ATXN7: variants seen among roughly 807,000 people sequenced by gnomAD.
ATXN7 encodes ataxin-7.
ATXN7 carries 12 observed loss-of-function variants against 70.5 expected under a neutral mutation model. The observed-to-expected ratio is 0.17, with a 90% confidence interval of 0.11 to 0.28. The LOEUF is 0.28. Among genes scored for constraint, ATXN7 ranks in the 10% least tolerant of loss-of-function variants. The pLI, the probability that ATXN7 is intolerant of heterozygous loss-of-function variation, is 1.00. For synonymous variants in ATXN7, 498 were observed against 448.7 expected (o/e 1.11, Z -1.39); for missense variants, 1,256 against 1,131.7 (o/e 1.11, Z -1.58).
intron 5 of ATXN7, among the ~76,000 whole-genome samples, chr3:63,974,681 C>A (rs1162595512): frequency 1.3e-5 from 2 of 152,202 alleles, no homozygotes; most frequent in Admixed American, 1.3e-4. Flanking sequence ...AATCCCGTAG[C>A]ATGGTGCCTG....
chr3:63,988,196 C>T lies in ATXN7; in HGVS notation c.1233C>T (p.Leu411=). Residue 411 remains leucine (L), a synonymous_variant, in exon 9 of 13, where the codon CTC becomes CTT. Coordinates refer to ENST00000674280, the MANE Select transcript of ATXN7 (RefSeq NM_001377405.1). ...HPDSQQPPQP[L]RDPHPAPPRT... Reference sequence around the variant, plus strand: ...ACTCTCAGCAACCACCGCAGCCTCTCAGGGACCCGCATCCCGCCCCTCCTA... The same window carrying T: ...ACTCTCAGCAACCACCGCAGCCTCTTAGGGACCCGCATCCCGCCCCTCCTA... 1 of 1,614,070 alleles carries T rather than the reference C, an allele frequency of 6.2e-7. No homozygotes were observed.
At chr3:63,945,492 C>T (rs2074844762) in intron 4 of ATXN7, among the ~76,000 whole-genome samples, 1 of 152,204 alleles carries the variant, frequency 6.6e-6, no homozygotes, top group African/African-American at 2.4e-5. Context: ...ATGGCATACC[C>T]AATTCCAGCA....
chr3:63,961,743 T>TATTATTTA (rs1467608558), intron 5 of ATXN7, among the ~76,000 whole-genome samples: 2 of 151,954 alleles, frequency 1.3e-5, no homozygotes, highest in Non-Finnish European at 2.9e-5. Context: ...AGTAAGAAAT[T>TATTATTTA]ATTATTTAAT....
chr3:63,968,098 GT>G, intron 5 of ATXN7: 2 of 767,288 alleles, frequency 2.6e-6, no homozygotes, highest in Non-Finnish European at 4.2e-6. Context: ...TTTGGGAAGA[GT>G]TTATGCAGGC....
chr3:63,896,183 T>A (rs1007624438), intron 1 of ATXN7, among the ~76,000 whole-genome samples: 1 of 152,110 alleles, frequency 6.6e-6, no homozygotes, highest in Non-Finnish European at 1.5e-5. Context: ...AGATATCTTC[T>A]ATAATCTCCC....
At chr3:63,974,869 A>G (rs935664474) in intron 5 of ATXN7, among the ~76,000 whole-genome samples, 7 of 152,208 alleles carry the variant, frequency 4.6e-5, no homozygotes, top group Admixed American at 2.6e-4. Context: ...GTGAGTTACC[A>G]TGAGATGGTG....
At chr3:63,931,742 TACTTTAGGAAA>T (rs1678754811) in intron 4 of ATXN7, among the ~76,000 whole-genome samples, 1 of 152,220 alleles carries the variant, frequency 6.6e-6, no homozygotes, top group Non-Finnish European at 1.5e-5. Flanking sequence ...CTGAAACTTT[TACTTTAGGAAA>T]AGAGTTTACA....
At chr3:63,975,093 T>G (rs533776295) in intron 5 of ATXN7, among the ~76,000 whole-genome samples, 2 of 152,284 alleles carry the variant, frequency 1.3e-5, no homozygotes, top group East Asian at 3.9e-4. Context: ...AAATGCAAAA[T>G]TTCAACATGT....
At chr3:63,898,124 A>G (rs983672957) in intron 1 of ATXN7, among the ~76,000 whole-genome samples, 2 of 152,204 alleles carry the variant, frequency 1.3e-5, no homozygotes, top group African/African-American at 4.8e-5. Context: ...TGCAAATTAT[A>G]TACAATGATT....
chr3:63,929,265 CTCTCT>C (rs1284836231), intron 4 of ATXN7, among the ~76,000 whole-genome samples: 6 of 149,670 alleles, frequency 4.0e-5, no homozygotes, highest in Admixed American at 1.3e-4. Flanking sequence ...CTCTCTCTCT[CTCTCT>C]TTTTTTTTTT....
At chr3:63,865,866 G>A (rs1400226104) in intron 1 of ATXN7, among the ~76,000 whole-genome samples, 14 of 116,380 alleles carry the variant, frequency 1.2e-4, no homozygotes, top group African/African-American at 4.7e-4. Context: ...CTGCACTCCA[G>A]CCTGGGCGAC....
intron 1 of ATXN7, among the ~76,000 whole-genome samples, chr3:63,868,303 C>T (rs1262012211): frequency 6.6e-6 from 1 of 152,160 alleles, no homozygotes; most frequent in African/African-American, 2.4e-5. Flanking sequence ...TTCACTGTAG[C>T]TACTTACCCT....
chr3:63,863,532 G>C, upstream of ATXN7: 1 of 1,193,636 alleles, frequency 8.4e-7, no homozygotes, highest in East Asian at 3.5e-5. Context: ...CTCCGGGAGA[G>C]CGGACGGGGA....
chr3:63,912,333 G>GGGCCGCCTGCTGCCC (rs1704055819), intron 2 of ATXN7, among the ~76,000 whole-genome samples: 3 of 151,670 alleles, frequency 2.0e-5, no homozygotes, highest in Non-Finnish European at 2.9e-5. Flanking sequence ...CCGCGGTGGC[G>GGGCCGCCTGCTGCCC]GGCCGCCTGC....
At chr3:63,962,862 A>G (rs561527650) in intron 5 of ATXN7, among the ~76,000 whole-genome samples, 5 of 151,868 alleles carry the variant, frequency 3.3e-5, no homozygotes, top group African/African-American at 7.2e-5. Flanking sequence ...GAGAGTGACA[A>G]TAATCAAGAT....
At position 63,999,605 on chromosome 3, in the gene ATXN7, C is replaced by CGGGCTG. The variant is rs1357659798; in HGVS notation, c.*139_*144dup. On this transcript the variant is annotated 3_prime_UTR_variant, in exon 13 of 13. Transcript: ENST00000674280. ...GTGGGCCTCAAGGGTAGAAACCTGC[C>CGGGCTG]GGGCTGTTGTTTTAACGAGGATTTC... is the stretch of plus-strand genomic sequence containing the variant. 1.4e-6 allele frequency: 2 copies of CGGGCTG among 1,474,266 alleles called. No homozygotes were observed. The highest frequency in any genetic ancestry group is 1.9e-6 in the Non-Finnish European group (2 of 1,075,682). The allele number at this position is 1,474,266 out of a possible 1,614,324, so 91.3% of individuals were successfully genotyped here.
At chr3:63,898,720 AAATAACATCCCCTCCAAATTTGTT>A (rs1209107339) in intron 2 of ATXN7, among the ~76,000 whole-genome samples, 1 of 152,232 alleles carries the variant, frequency 6.6e-6, no homozygotes, top group African/African-American at 2.4e-5. Context: ...AAAAACTACT[AAATAACATCCCCTCCAAATTTGTT>A]AAAATTGCAG....
chr3:63,967,692 C>A, intron 5 of ATXN7: 2 of 1,061,072 alleles, frequency 1.9e-6, no homozygotes, highest in African/African-American at 1.6e-5. Flanking sequence ...TAATTTACAC[C>A]AGCCAGGACG....
At chr3:63,863,595 C>T, upstream of ATXN7, 1 of 1,197,246 alleles carries the variant, frequency 8.4e-7, no homozygotes, top group Non-Finnish European at 1.0e-6. Context: ...AGGAAGGACT[C>T]AGGGAAGCAG....
Sources: gnomAD v4.1 joint callset for allele counts (sites outside exome capture counted in the v4.1 genomes callset) on GRCh38, gnomAD v4.1.1 for gene constraint, MANE v1.5 for transcripts, NCBI Gene and HGNC (gene_info 2026-07-23, HGNC 2026-07-21) for gene names.